TENM4: variants seen among roughly 807,000 people sequenced by gnomAD.
TENM4 encodes teneurin transmembrane protein 4.
A neutral mutation model predicts 243.3 loss-of-function variants in TENM4; 82 were observed. That is an observed-to-expected ratio of 0.34 (90% CI 0.28 to 0.40). The LOEUF is 0.40. Ranked by LOEUF, TENM4 falls within the 10% of genes least tolerant of loss-of-function variation. The probability of loss-of-function intolerance (pLI) is 1.00; values close to 1 mark genes in which losing one functional copy is unlikely to be tolerated. For synonymous variants in TENM4, 1,412 were observed against 1,456.3 expected (o/e 0.97, Z 0.69); for missense variants, 3,138 against 3,673.3 (o/e 0.85, Z 3.77).
At chr11:78,874,721 C>T (rs1204051764) in intron 9 of TENM4, among the ~76,000 whole-genome samples, 6 of 152,184 alleles carry the variant, frequency 3.9e-5, no homozygotes, top group Non-Finnish European at 8.8e-5. Context: ...ATACACAGTG[C>T]CACACACAGG....
Position 78,903,336 on chromosome 11 carries a change from G to C in TENM4, c.681C>G (p.Gly227=). ...GGGCGTGGGCAGGCTCCTGGGCGCC[G>C]CCGGCAGGGGGCTCTCCGGAGAGCG... ...DHSLSGEPPA[G]GAQEPAHAQE... Residue 227 remains glycine, a synonymous_variant, in exon 7 of 34, where the codon GGC becomes GGG. Transcript: ENST00000278550. The C allele has an allele frequency of 6.8e-7, 1 of 1,477,876 alleles. No individual in the cohort carries two copies. 91.5% of individuals were successfully genotyped at this position (1,477,876 alleles called of 1,614,324 possible). A position where few individuals can be genotyped will look rare whatever the true frequency, so the allele number is the denominator to read the frequency against.
At chr11:79,408,876 G>A (rs1360682377) in intron 1 of TENM4, among the ~76,000 whole-genome samples, 1 of 152,206 alleles carries the variant, frequency 6.6e-6, no homozygotes, top group Non-Finnish European at 1.5e-5. Context: ...GGCAAAATTA[G>A]AGGTGCTTGA....
intron 3 of TENM4, among the ~76,000 whole-genome samples, chr11:79,179,756 A>T (rs762340795): frequency 6.6e-6 from 1 of 151,856 alleles, no homozygotes; most frequent in African/African-American, 2.4e-5. Context: ...AGAGTTTGAC[A>T]TATAGAAGGT....
intron 24 of TENM4, among the ~76,000 whole-genome samples, chr11:78,721,405 C>T (rs1350786387): frequency 2.0e-5 from 3 of 152,302 alleles, no homozygotes; most frequent in East Asian, 1.9e-4. Context: ...CTTCCTTTCA[C>T]GCGTGCGCCT....
chr11:78,977,364 G>T (rs1366181224), intron 6 of TENM4, among the ~76,000 whole-genome samples: 3 of 152,202 alleles, frequency 2.0e-5, no homozygotes, highest in Non-Finnish European at 4.4e-5. Context: ...TGCAGGGCTG[G>T]GTGGTGGGTC....
chr11:78,903,464 G>A lies in TENM4; in HGVS notation c.553C>T (p.His185Tyr), dbSNP rs371659604. ...TGGTGCTGGTTGGGGGTGTGGGCGT[G>A]CGAGAGCGGCGGCGGCGGCGTCCGG... ...RLRTPPPPLS[H>Y]AHTPNQHHAA... The change falls in exon 7 of 34, where the codon CAC (histidine) becomes TAC (tyrosine). Residue 185 changes from histidine (H) to tyrosine (Y), a missense_variant. Physicochemically the swap from His to Tyr is moderately conservative, Grantham distance 83. Around this residue, in one of 2 missense-constraint regions of TENM4, gnomAD observed 671 missense variants for 614.1 expected, o/e 1.09. Transcript: ENST00000278550. 7 of 1,548,886 alleles carry A rather than the reference G, an allele frequency of 4.5e-6. No homozygotes were observed. The highest frequency in any genetic ancestry group is 2.4e-5 in the East Asian group (1 of 40,848).
At chr11:78,813,262 C>T (rs1857536603) in intron 13 of TENM4, among the ~76,000 whole-genome samples, 1 of 152,102 alleles carries the variant, frequency 6.6e-6, no homozygotes, top group South Asian at 2.1e-4. Context: ...ATCATCTCTG[C>T]CTTCTACTTA....
intron 31 of TENM4, 83 bp downstream of exon 31, chr11:78,671,950 C>G (rs1858337720): frequency 2.0e-6 from 3 of 1,493,998 alleles, no homozygotes; most frequent in Non-Finnish European, 2.7e-6. Flanking sequence ...ATACAGCCCA[C>G]TGAGGCCACC....
intron 1 of TENM4, among the ~76,000 whole-genome samples, chr11:79,312,052 TGA>T: frequency 6.6e-6 from 1 of 152,290 alleles, no homozygotes. Context: ...TATCTTCATG[TGA>T]GGAGTTCCTC....
chr11:79,099,736 G>A (rs1861174822), intron 4 of TENM4, among the ~76,000 whole-genome samples: 1 of 152,138 alleles, frequency 6.6e-6, no homozygotes, highest in Non-Finnish European at 1.5e-5. Context: ...CTCACCACAA[G>A]GAACATAAAA....
intron 2 of TENM4, among the ~76,000 whole-genome samples, chr11:79,292,374 C>T (rs1023789113): frequency 6.6e-5 from 10 of 152,288 alleles, no homozygotes; most frequent in African/African-American, 1.4e-4. Context: ...GGAGCTCAAA[C>T]GACTGTACCT....
intron 1 of TENM4, among the ~76,000 whole-genome samples, chr11:79,395,841 G>A (rs961847943): frequency 6.6e-6 from 1 of 152,134 alleles, no homozygotes; most frequent in Non-Finnish European, 1.5e-5. Context: ...GGCCTGTTCT[G>A]GAACTCTGTA....
At chr11:79,260,430 A>T (rs573678313) in intron 2 of TENM4, among the ~76,000 whole-genome samples, 4 of 152,332 alleles carry the variant, frequency 2.6e-5, no homozygotes, top group Middle Eastern at 3.4e-3. Context: ...GGCATATATT[A>T]TCTTACTTAG....
chr11:79,002,770 C>G (rs1446022001), intron 6 of TENM4, among the ~76,000 whole-genome samples: 1 of 152,190 alleles, frequency 6.6e-6, no homozygotes, highest in Non-Finnish European at 1.5e-5. Flanking sequence ...ATTGACTGCA[C>G]TAGTTCCCCA....
chr11:78,992,096 GGAGT>G (rs1858060947), intron 6 of TENM4, among the ~76,000 whole-genome samples: 1 of 152,194 alleles, frequency 6.6e-6, no homozygotes, highest in South Asian at 2.1e-4. Flanking sequence ...GCACTAAGGA[GGAGT>G]CAGAGTTACT....
At chr11:79,083,023 T>C (rs1860713366) in intron 4 of TENM4, among the ~76,000 whole-genome samples, 1 of 151,712 alleles carries the variant, frequency 6.6e-6, no homozygotes, top group Admixed American at 6.6e-5. Context: ...ATGGAGCTAA[T>C]TGTGCCCAGA....
Position 78,658,273 on chromosome 11 carries a change from C to T in TENM4, c.8095G>A (p.Val2699Met), listed in dbSNP as rs533363061. The T allele has an allele frequency of 2.5e-5, 40 of 1,613,070 alleles. No homozygotes were observed. Among genetic ancestry groups the T allele is most frequent in the South Asian group, 3.3e-5 (3 of 91,056 alleles). ...RVLELARQRA[V>M]RQAWAREQQR... ...TGCTCGCGGGCCCACGCTTGGCGCA[C>T]GGCTCTCTGCCGGGCCAGCTCCAGG... is the stretch of plus-strand genomic sequence containing the variant. The change falls in exon 34 of 34, where the codon GTG becomes ATG. Residue 2699 changes from valine (V) to methionine (M), a missense_variant. Physicochemically the swap from Val to Met is conservative, Grantham distance 21. Transcript: ENST00000278550.
Position 79,316,199 on chromosome 11 carries a change from CA to C in TENM4, c.-320-18657del, listed in dbSNP as rs1371485341. On this transcript the variant is annotated intron_variant, in intron 1 of 33. Transcript: ENST00000278550. ...GAGAAATGAGGGTTATAGGTTGATA[CA>C]AAAAAGAGAATGAAAGATATAAAAA... Among the ~76,000 whole-genome samples, 4 of 150,492 alleles carry C rather than the reference CA, an allele frequency of 2.7e-5. No individual in the cohort carries two copies. In the East Asian group the frequency reaches 7.8e-4, roughly 29 times the overall value.
At chr11:79,087,106 A>G (rs763770778) in intron 4 of TENM4, among the ~76,000 whole-genome samples, 1 of 152,190 alleles carries the variant, frequency 6.6e-6, no homozygotes, top group Non-Finnish European at 1.5e-5. Flanking sequence ...TTAATAAATA[A>G]TGGCTAATTG....
Sources: gnomAD v4.1 joint callset for allele counts (sites outside exome capture counted in the v4.1 genomes callset) on GRCh38, gnomAD v4.1.1 for gene constraint, gnomAD v4.1.1 regional missense constraint, MANE v1.5 for transcripts, NCBI Gene and HGNC (gene_info 2026-07-23, HGNC 2026-07-21) for gene names.